Variants in UBE3D observed in about 807,000 individuals in gnomAD.
UBE3D encodes E3 ubiquitin-protein ligase E3D.
A neutral mutation model predicts 49.6 loss-of-function variants in UBE3D; 48 were observed. The ratio of observed to expected loss-of-function variants is 0.97; its 90% CI spans 0.77 to 1.23. The LOEUF (loss-of-function observed/expected upper bound fraction) is 1.23, where lower values mean the gene tolerates loss of function less well. Among genes scored for constraint, UBE3D ranks in the 50% most tolerant of loss-of-function variants. The probability of loss-of-function intolerance (pLI) is 0.00; values close to 1 mark genes in which losing one functional copy is unlikely to be tolerated. For missense variants in UBE3D, 452 were observed against 468.4 expected, an observed-to-expected ratio of 0.96 and a Z score of 0.32; for synonymous variants, 189 against 174.2, an observed-to-expected ratio of 1.08 and a Z score of -0.67.
chr6:82,905,996 A>G (rs1772074704), intron 9 of UBE3D, among the ~76,000 whole-genome samples: 1 of 152,166 alleles, frequency 6.6e-6, no homozygotes, highest in Non-Finnish European at 1.5e-5. Flanking sequence ...TACTTCACAT[A>G]TAATTCAGTA....
intron 9 of UBE3D, among the ~76,000 whole-genome samples, chr6:82,913,541 T>C (rs916710763): frequency 2.0e-5 from 3 of 152,224 alleles, no homozygotes; most frequent in Non-Finnish European, 4.4e-5. Context: ...TACATTAGCA[T>C]CCCATTCACT....
intron 5 of UBE3D, among the ~76,000 whole-genome samples, chr6:83,034,460 G>C (rs144701198): frequency 6.6e-6 from 1 of 151,808 alleles, no homozygotes; most frequent in African/African-American, 2.4e-5. Context: ...ATTAGCTGTC[G>C]TCACATGTTG....
chr6:82,977,742 GC>G (rs1777829097), intron 8 of UBE3D, among the ~76,000 whole-genome samples: 1 of 152,084 alleles, frequency 6.6e-6, no homozygotes. Flanking sequence ...GGAGGCTGAG[GC>G]AGAAAAATCG....
chr6:83,064,546 T>A (rs1784377406), intron 1 of UBE3D, among the ~76,000 whole-genome samples: 1 of 152,064 alleles, frequency 6.6e-6, no homozygotes, highest in South Asian at 2.1e-4. Context: ...AGGAGAGTAG[T>A]CCAAGGGAAC....
intron 9 of UBE3D, among the ~76,000 whole-genome samples, chr6:82,914,674 T>C (rs1477306787): frequency 2.0e-5 from 3 of 152,212 alleles, no homozygotes; most frequent in African/African-American, 7.2e-5. Flanking sequence ...CTATACAATA[T>C]TAACAAAGCT....
intron 1 of UBE3D, among the ~76,000 whole-genome samples, chr6:83,062,091 AT>A (rs1784209801): frequency 1.3e-5 from 2 of 152,108 alleles, no homozygotes; most frequent in South Asian, 4.2e-4. Flanking sequence ...TATTTTGTAT[AT>A]TCTCTGCCGC....
At chr6:82,904,808 A>G (rs1450971228) in intron 9 of UBE3D, among the ~76,000 whole-genome samples, 1 of 152,164 alleles carries the variant, frequency 6.6e-6, no homozygotes, top group African/African-American at 2.4e-5. Context: ...GTAACAAAAC[A>G]TCTACCAGTG....
At chr6:83,013,096 C>T (rs912675631) in intron 8 of UBE3D, among the ~76,000 whole-genome samples, 1 of 152,168 alleles carries the variant, frequency 6.6e-6, no homozygotes, top group Non-Finnish European at 1.5e-5. Flanking sequence ...CCTTCAGGAC[C>T]TGCTCGAGCC....
intron 8 of UBE3D, among the ~76,000 whole-genome samples, chr6:82,986,114 C>A (rs539762237): frequency 3.9e-5 from 6 of 152,200 alleles, no homozygotes; most frequent in Admixed American, 3.3e-4. Context: ...TTAGGTATAA[C>A]TGACATTTTA....
the UBE3D span, among the ~76,000 whole-genome samples, chr6:82,887,160 A>T: frequency 1.1e-4 from 14 of 126,884 alleles, no homozygotes; most frequent in Non-Finnish European, 1.7e-4. Context: ...CAAAAAAAAT[A>T]AAAAATAAAA....
At chr6:83,029,971 T>C (rs1314200453) in intron 5 of UBE3D, among the ~76,000 whole-genome samples, 1 of 152,194 alleles carries the variant, frequency 6.6e-6, no homozygotes, top group African/African-American at 2.4e-5. Flanking sequence ...ACCCAAGTTG[T>C]ATGTGGATTG....
chr6:83,040,282 G>A (rs911269797), intron 4 of UBE3D, among the ~76,000 whole-genome samples: 3 of 152,030 alleles, frequency 2.0e-5, no homozygotes, highest in African/African-American at 7.2e-5. Flanking sequence ...TACTCAGGAG[G>A]CTGAGGCAGG....
At position 82,892,967 on chromosome 6, in the gene UBE3D, TG is replaced by T; in HGVS notation, c.*54del. ...CTCCTGAGCTGACTGCTGGCCTCGGTGTGCTCCTGCTTGAGAGCTGTCTGCC... is the reference window on the plus strand; with the variant it reads ...CTCCTGAGCTGACTGCTGGCCTCGGTTGCTCCTGCTTGAGAGCTGTCTGCC... On this transcript the variant is annotated 3_prime_UTR_variant, in exon 10 of 10. Coordinates refer to ENST00000369747, the MANE Select transcript of UBE3D (RefSeq NM_198920.3). 1 of 1,609,920 alleles carries T rather than the reference TG, an allele frequency of 6.2e-7. No homozygotes were observed. Among genetic ancestry groups the T allele is most frequent in the South Asian group, 1.1e-5 (1 of 91,010 alleles).
At chr6:82,987,225 G>T (rs1778581589) in intron 8 of UBE3D, among the ~76,000 whole-genome samples, 1 of 152,034 alleles carries the variant, frequency 6.6e-6, no homozygotes, top group African/African-American at 2.4e-5. Flanking sequence ...CGTTGCCCAG[G>T]CTGGTCTTGA....
At chr6:82,970,452 A>G (rs1028121166) in intron 8 of UBE3D, among the ~76,000 whole-genome samples, 3 of 152,196 alleles carry the variant, frequency 2.0e-5, no homozygotes, top group Non-Finnish European at 4.4e-5. Flanking sequence ...CAAAAAGAGG[A>G]CAAAGGACAG....
chr6:82,962,717 T>C (rs921619703), intron 8 of UBE3D, among the ~76,000 whole-genome samples: 3 of 152,194 alleles, frequency 2.0e-5, no homozygotes, highest in African/African-American at 7.2e-5. Context: ...CAATAAATGA[T>C]AGGAAAATCT....
intron 9 of UBE3D, among the ~76,000 whole-genome samples, chr6:82,927,115 TC>T (rs1440276208): frequency 6.6e-6 from 1 of 152,098 alleles, no homozygotes. Flanking sequence ...CTAACTTTTC[TC>T]TGTTGAAATG....
At chr6:82,990,640 G>A (rs761896324) in intron 8 of UBE3D, among the ~76,000 whole-genome samples, 6 of 152,140 alleles carry the variant, frequency 3.9e-5, no homozygotes, top group Admixed American at 6.5e-5. Flanking sequence ...TCCACAGATA[G>A]CTACTCTTAT....
At chr6:82,912,588 G>A (rs293487) in intron 9 of UBE3D, among the ~76,000 whole-genome samples, 101,980 of 152,006 alleles carry the variant, frequency 0.67, 34,735 homozygotes, top group East Asian at 0.79. Context: ...GAATATAAAA[G>A]ACCTATCAAG....
Sources: gnomAD v4.1 joint callset for allele counts (sites outside exome capture counted in the v4.1 genomes callset) on GRCh38, gnomAD v4.1.1 for gene constraint, MANE v1.5 for transcripts, NCBI Gene and HGNC (gene_info 2026-07-23, HGNC 2026-07-21) for gene names.